The following ADGRL2 variants were observed in gnomAD, a reference collection of about 807,000 sequenced individuals.
The protein encoded by ADGRL2 is adhesion G protein-coupled receptor L2.
Under a neutral mutation model 157.4 loss-of-function variants are expected in ADGRL2, and 44 were observed. The ratio of observed to expected loss-of-function variants is 0.28; its 90% CI spans 0.22 to 0.36. The LOEUF is 0.36. ADGRL2 is among the 10% of genes least tolerant of loss of function. ADGRL2 has a pLI of 1.00. For synonymous variants in ADGRL2, 585 were observed against 624.7 expected (o/e 0.94, Z 0.95); for missense variants, 1,510 against 1,768.9 (o/e 0.85, Z 2.63).
chr1:81,865,493 A>G (rs779094960), intron 2 of ADGRL2, among the ~76,000 whole-genome samples: 5 of 152,220 alleles, frequency 3.3e-5, no homozygotes, highest in Admixed American at 2.6e-4. Flanking sequence ...ACCACCATAG[A>G]TGAGGAGCCT....
chr1:81,815,419 C>T (rs2090297288), intron 1 of ADGRL2, among the ~76,000 whole-genome samples: 2 of 151,902 alleles, frequency 1.3e-5, no homozygotes, highest in African/African-American at 2.4e-5. Context: ...AATACCTGTA[C>T]TTTTGAAAGT....
chr1:81,398,675 T>C (rs1444061961), intron 1 of ADGRL2, among the ~76,000 whole-genome samples: 1 of 152,200 alleles, frequency 6.6e-6, no homozygotes, highest in Non-Finnish European at 1.5e-5. Flanking sequence ...TTGTTAGCAG[T>C]TGGTTTTTCT....
intron 2 of ADGRL2, among the ~76,000 whole-genome samples, chr1:81,792,342 A>G (rs1319036652): frequency 2.6e-5 from 4 of 152,232 alleles, no homozygotes; most frequent in African/African-American, 9.6e-5. Context: ...GGAACACATC[A>G]GCAGCAACAC....
intron 2 of ADGRL2, among the ~76,000 whole-genome samples, chr1:81,451,743 T>C (rs2077706373): frequency 6.6e-6 from 1 of 152,206 alleles, no homozygotes; most frequent in Non-Finnish European, 1.5e-5. Flanking sequence ...ATAAATCCTA[T>C]GCAGTCTTAT....
At chr1:81,877,662 T>G (rs1031718139) in intron 2 of ADGRL2, among the ~76,000 whole-genome samples, 14 of 151,014 alleles carry the variant, frequency 9.3e-5, no homozygotes, top group Admixed American at 3.3e-4. Flanking sequence ...TGGCTTTTTT[T>G]GGGGAGGGGG....
intron 3 of ADGRL2, among the ~76,000 whole-genome samples, chr1:81,592,241 G>A (rs930434730): frequency 3.6e-4 from 54 of 152,104 alleles, no homozygotes; most frequent in African/African-American, 1.3e-3. Context: ...CCAGAGGTAG[G>A]CAAATGTTTT....
chr1:81,603,251 T>G (rs977067483), intron 3 of ADGRL2, among the ~76,000 whole-genome samples: 1 of 152,302 alleles, frequency 6.6e-6, no homozygotes, highest in Admixed American at 6.5e-5. Flanking sequence ...GAAATCTCAG[T>G]GGGCCATTTG....
chr1:81,596,375 C>G lies in ADGRL2; in HGVS notation c.-143+15395C>G, dbSNP rs187843699. 3 of 506,260 alleles carry G rather than the reference C, an allele frequency of 5.9e-6. No homozygotes were observed. The Admixed American group carries it at 6.2e-5, about 10-fold the overall frequency. 31.4% of individuals were successfully genotyped at this position (506,260 alleles called of 1,614,324 possible). On this transcript the variant is annotated intron_variant, in intron 3 of 24. Transcript: ENST00000370721. Reference sequence around the variant, plus strand: ...GTCCTTTCACTTCGAGATTCTTTTCCTTTCCTCCTCTGATCAAGTCAGCTC... The same window carrying G: ...GTCCTTTCACTTCGAGATTCTTTTCGTTTCCTCCTCTGATCAAGTCAGCTC...
intron 2 of ADGRL2, among the ~76,000 whole-genome samples, chr1:81,485,637 G>A (rs529154817): frequency 1.2e-4 from 19 of 152,238 alleles, no homozygotes; most frequent in African/African-American, 4.6e-4. Context: ...AATAATCAGT[G>A]CCTAGACAGT....
intron 2 of ADGRL2, among the ~76,000 whole-genome samples, chr1:81,532,652 T>A (rs7516070): frequency 0.64 from 97,108 of 151,104 alleles, 31,670 homozygotes; most frequent in East Asian, 0.89. Flanking sequence ...TGGTGGCTCA[T>A]GTCTGTAATC....
At chr1:81,852,616 C>T (rs1216942242) in intron 2 of ADGRL2, among the ~76,000 whole-genome samples, 1 of 151,936 alleles carries the variant, frequency 6.6e-6, no homozygotes, top group Non-Finnish European at 1.5e-5. Flanking sequence ...AATGAACCTC[C>T]ATGGATTTGA....
At chr1:81,354,650 C>G (rs1006834393) in intron 1 of ADGRL2, among the ~76,000 whole-genome samples, 1 of 152,180 alleles carries the variant, frequency 6.6e-6, no homozygotes, top group African/African-American at 2.4e-5. Flanking sequence ...CCTCGTTTTC[C>G]TGTACTCATG....
At chr1:81,604,844 T>C (rs10874257) in intron 3 of ADGRL2, among the ~76,000 whole-genome samples, 112,357 of 151,978 alleles carry the variant, frequency 0.74, 41,724 homozygotes, top group African/African-American at 0.78. Context: ...GGATAGATAA[T>C]GAAAAAGTAC....
intron 2 of ADGRL2, among the ~76,000 whole-genome samples, chr1:81,903,652 G>C (rs192377593): frequency 8.0e-5 from 12 of 149,806 alleles, no homozygotes; most frequent in African/African-American, 2.7e-4. Flanking sequence ...CATAGTAATT[G>C]CTTTGCAAGT....
At chr1:81,450,770 A>C (rs2077688070) in intron 2 of ADGRL2, among the ~76,000 whole-genome samples, 1 of 152,114 alleles carries the variant, frequency 6.6e-6, no homozygotes. Context: ...TGAGCAAGCA[A>C]GTGAATTATG....
chr1:81,387,137 A>G (rs1339280925), intron 1 of ADGRL2, among the ~76,000 whole-genome samples: 1 of 152,204 alleles, frequency 6.6e-6, no homozygotes, highest in Non-Finnish European at 1.5e-5. Context: ...CCTACTCTAC[A>G]GAAGACGGTA....
At chr1:81,484,475 C>T (rs1293016467) in intron 2 of ADGRL2, among the ~76,000 whole-genome samples, 1 of 152,146 alleles carries the variant, frequency 6.6e-6, no homozygotes, top group South Asian at 2.1e-4. Context: ...TATGACTTTA[C>T]AAGGATTTCG....
chr1:81,896,926 C>T (rs990568189), intron 2 of ADGRL2, among the ~76,000 whole-genome samples: 2 of 152,160 alleles, frequency 1.3e-5, no homozygotes, highest in African/African-American at 4.8e-5. Flanking sequence ...TCCTTTCCTA[C>T]GTTTTGGCAT....
intron 1 of ADGRL2, among the ~76,000 whole-genome samples, chr1:81,817,721 G>A (rs980733591): frequency 2.6e-5 from 4 of 151,756 alleles, no homozygotes; most frequent in African/African-American, 7.3e-5. Context: ...TTGATTTTTT[G>A]GCGGCCTTGT....
Sources: allele counts gnomAD v4.1 joint callset (sites outside exome capture counted in the v4.1 genomes callset), GRCh38; gene constraint gnomAD v4.1.1; transcripts MANE v1.5; gene names NCBI Gene and HGNC (gene_info 2026-07-23, HGNC 2026-07-21).